The following TGFB2 variants were observed in gnomAD, a reference collection of about 807,000 sequenced individuals.
TGFB2 encodes transforming growth factor beta-2 proprotein.
In TGFB2, 13 loss-of-function variants were observed where a neutral mutation model predicts 42.7. The observed-to-expected ratio is 0.30, with a 90% CI of 0.20 to 0.48. The LOEUF (loss-of-function observed/expected upper bound fraction) is 0.48. TGFB2 is among the 20% of genes least tolerant of loss of function. TGFB2 has a pLI of 0.99. For synonymous variants in TGFB2, 193 were observed against 193.6 expected (o/e 1.00, Z 0.03); for missense variants, 390 against 517.5 (o/e 0.75, Z 2.39).
At chr1:218,354,517 A>G (rs11466374) in intron 1 of TGFB2, among the ~76,000 whole-genome samples, 7,170 of 152,260 alleles carry the variant, frequency 0.047, 565 homozygotes, top group African/African-American at 0.16. Context: ...TATTTTACAT[A>G]TATGTACTCT....
rs188191038 is a variant in TGFB2, at chr1:218,438,375, G to A, written c.1086+879G>A. On this transcript the variant is annotated intron_variant, in intron 6 of 6. Transcript: ENST00000366930. ...ATTGGGGATTTCAGTTAATGCCTGG[G>A]AGTGTGTGATTATTAGTAAATACAC... 3.8e-4 allele frequency among the ~76,000 whole-genome samples: 58 copies of A among 152,308 alleles called. 1 individual carries two copies. The highest frequency in any genetic ancestry group is 1.4e-3 in the African/African-American group (57 of 41,568).
intron 1 of TGFB2, among the ~76,000 whole-genome samples, chr1:218,381,776 G>C (rs550243420): frequency 6.6e-6 from 1 of 152,302 alleles, no homozygotes; most frequent in East Asian, 1.9e-4. Context: ...ACTGAATCCT[G>C]TGTGTGAATA....
intron 1 of TGFB2, among the ~76,000 whole-genome samples, chr1:218,372,045 TGCTAGGTAGCTCA>T (rs1657590556): frequency 6.6e-6 from 1 of 152,140 alleles, no homozygotes. Context: ...TCCCTGAGCG[TGCTAGGTAGCTCA>T]GGGCTTGCAA....
intron 1 of TGFB2, among the ~76,000 whole-genome samples, chr1:218,400,043 A>T (rs1321352942): frequency 6.6e-6 from 1 of 152,114 alleles, no homozygotes; most frequent in Non-Finnish European, 1.5e-5. Flanking sequence ...GTTGCCACAA[A>T]ACTAGGAACT....
At chr1:218,383,444 G>A (rs537152669) in intron 1 of TGFB2, among the ~76,000 whole-genome samples, 2 of 152,136 alleles carry the variant, frequency 1.3e-5, no homozygotes, top group South Asian at 4.1e-4. Flanking sequence ...ATTTTAAAAT[G>A]CAATAATAGG....
chr1:218,410,686 T>A (rs977415219), intron 2 of TGFB2, among the ~76,000 whole-genome samples: 1 of 152,222 alleles, frequency 6.6e-6, no homozygotes, highest in African/African-American at 2.4e-5. Context: ...TTTTAAAGCT[T>A]TATGCCAAAG....
In TGFB2 at chr1:218,379,204, C is replaced by T. The variant is rs928184931; in HGVS notation, c.347-25965C>T. 6.0e-5 allele frequency among the ~76,000 whole-genome samples: 9 copies of T among 149,462 alleles called. No individual in the cohort carries two copies. In the East Asian group the frequency reaches 1.4e-3, roughly 23 times the overall value. On this transcript the variant is annotated intron_variant, in intron 1 of 6. Transcript: ENST00000366930. ...CTGGAGTGCAGTGGTGCGATCTCGG[C>T]TCACTGCAAGCTCCGCCTCCCGGGT...
chr1:218,413,024 A>T (rs1420167630), intron 2 of TGFB2, among the ~76,000 whole-genome samples: 2 of 152,288 alleles, frequency 1.3e-5, no homozygotes, highest in East Asian at 1.9e-4. Context: ...GACTTCTTAG[A>T]TGGAGATTCA....
intron 2 of TGFB2, among the ~76,000 whole-genome samples, chr1:218,418,230 C>T (rs1170560245): frequency 1.3e-5 from 2 of 152,222 alleles, no homozygotes; most frequent in African/African-American, 2.4e-5. Flanking sequence ...GCAGAGCTGC[C>T]CAAGGCCATG....
intron 1 of TGFB2, chr1:218,363,185 C>A: frequency 1.6e-6 from 1 of 644,838 alleles, no homozygotes; most frequent in Middle Eastern, 2.8e-4. Context: ...AGTGTCTAAT[C>A]CCCTGGCCCC....
At chr1:218,437,031 A>C (rs1192580321) in intron 5 of TGFB2, among the ~76,000 whole-genome samples, 1 of 152,254 alleles carries the variant, frequency 6.6e-6, no homozygotes, top group Admixed American at 6.5e-5. Flanking sequence ...CATCATGCCC[A>C]GCCACTCTCT....
chr1:218,430,049 T>C (rs1275142336), intron 2 of TGFB2, among the ~76,000 whole-genome samples: 1 of 152,168 alleles, frequency 6.6e-6, no homozygotes, highest in Non-Finnish European at 1.5e-5. Flanking sequence ...CTGGTTACTC[T>C]GGCCAGTTAA....
intron 2 of TGFB2, among the ~76,000 whole-genome samples, chr1:218,406,303 T>C (rs1658909201): frequency 6.6e-6 from 1 of 151,850 alleles, no homozygotes; most frequent in Non-Finnish European, 1.5e-5. Flanking sequence ...CGTCAAAATG[T>C]AATGATGATG....
chr1:218,413,130 G>C (rs548225409), intron 2 of TGFB2, among the ~76,000 whole-genome samples: 35 of 151,572 alleles, frequency 2.3e-4, no homozygotes, highest in African/African-American at 8.2e-4. Context: ...CCAGCACTTT[G>C]GGAGGCTGAG....
At chr1:218,389,828 A>G (rs1260893056) in intron 1 of TGFB2, among the ~76,000 whole-genome samples, 2 of 152,202 alleles carry the variant, frequency 1.3e-5, no homozygotes, top group Non-Finnish European at 2.9e-5. Context: ...AACCTTTAAG[A>G]GTAGATTAGT....
intron 1 of TGFB2, among the ~76,000 whole-genome samples, chr1:218,376,598 G>A (rs147944895): frequency 4.7e-4 from 71 of 152,204 alleles, no homozygotes; most frequent in African/African-American, 1.7e-3. Context: ...CCATAGCACC[G>A]GGCAAGTTCC....
chr1:218,380,849 A>G (rs905578124), intron 1 of TGFB2, among the ~76,000 whole-genome samples: 3 of 152,176 alleles, frequency 2.0e-5, no homozygotes, highest in African/African-American at 7.2e-5. Context: ...AGGAAAAAAT[A>G]ACAGAGGCTA....
intron 1 of TGFB2, among the ~76,000 whole-genome samples, chr1:218,390,272 A>G (rs933051561): frequency 6.6e-5 from 10 of 152,172 alleles, no homozygotes; most frequent in African/African-American, 2.2e-4. Context: ...CCTCCATTGC[A>G]AAGACTTCTT....
At chr1:218,392,309 T>C (rs191080405) in intron 1 of TGFB2, among the ~76,000 whole-genome samples, 2,355 of 152,180 alleles carry the variant, frequency 0.015, 33 homozygotes, top group Non-Finnish European at 0.021. Flanking sequence ...GCCGAGATCA[T>C]GCCACTGCAC....
Sources: allele counts gnomAD v4.1 joint callset (sites outside exome capture counted in the v4.1 genomes callset), GRCh38; gene constraint gnomAD v4.1.1; transcripts MANE v1.5; gene names NCBI Gene and HGNC (gene_info 2026-07-23, HGNC 2026-07-21).